CADM2: variants seen among roughly 807,000 people sequenced by gnomAD.
CADM2 encodes the protein cell adhesion molecule 2.
CADM2 carries 12 observed loss-of-function variants against 49.8 expected under a neutral mutation model. The ratio of observed to expected loss-of-function variants is 0.24; its 90% CI spans 0.15 to 0.39. The LOEUF (loss-of-function observed/expected upper bound fraction) is 0.39. Ranked by LOEUF, CADM2 falls within the 10% of genes least tolerant of loss-of-function variation. The pLI, the probability that CADM2 is intolerant of heterozygous loss-of-function variation, is 1.00. For missense variants in CADM2, 378 were observed against 492.3 expected (o/e 0.77, Z 2.20); for synonymous variants, 214 against 175.4 (o/e 1.22, Z -1.74).
At chr3:85,313,208 G>A (rs1012487789) in intron 1 of CADM2, among the ~76,000 whole-genome samples, 6 of 152,158 alleles carry the variant, frequency 3.9e-5, no homozygotes. Flanking sequence ...CTAAAAACTG[G>A]TGGATACACA....
At chr3:85,931,328 A>G (rs1218531336) in intron 6 of CADM2, among the ~76,000 whole-genome samples, 1 of 152,122 alleles carries the variant, frequency 6.6e-6, no homozygotes, top group Non-Finnish European at 1.5e-5. Context: ...GGTCCCAGCT[A>G]CTTACTAGAC....
intron 1 of CADM2, among the ~76,000 whole-genome samples, chr3:84,984,726 AC>A (rs2032449172): frequency 1.3e-5 from 2 of 152,160 alleles, no homozygotes; most frequent in South Asian, 2.1e-4. Context: ...TCATTCTGAA[AC>A]CCCAAGCTGG....
At chr3:85,254,221 A>T (rs1158720404) in intron 1 of CADM2, among the ~76,000 whole-genome samples, 2 of 152,106 alleles carry the variant, frequency 1.3e-5, no homozygotes, top group African/African-American at 4.8e-5. Flanking sequence ...GAACAATCAG[A>T]TGGAAGAGAT....
chr3:85,539,940 A>T (rs2061504203), intron 1 of CADM2, among the ~76,000 whole-genome samples: 1 of 152,160 alleles, frequency 6.6e-6, no homozygotes, highest in South Asian at 2.1e-4. Flanking sequence ...ATAAGTCTAG[A>T]GTTAGAAAAG....
intron 2 of CADM2, among the ~76,000 whole-genome samples, chr3:85,775,468 C>G (rs2070315292): frequency 6.6e-6 from 1 of 151,720 alleles, no homozygotes; most frequent in African/African-American, 2.4e-5. Context: ...ATTTGCATAG[C>G]ATTCAACAGA....
intron 1 of CADM2, among the ~76,000 whole-genome samples, chr3:85,637,450 A>AT (rs1267067525): frequency 2.1e-5 from 3 of 146,130 alleles, no homozygotes; most frequent in African/African-American, 7.6e-5. Flanking sequence ...AAAATATAAA[A>AT]AATTAGCTGG....
chr3:85,466,252 C>G (rs530029767), intron 1 of CADM2, among the ~76,000 whole-genome samples: 1 of 152,256 alleles, frequency 6.6e-6, no homozygotes, highest in African/African-American at 2.4e-5. Context: ...TTAATGAACA[C>G]TTTCAGTAAT....
intron 8 of CADM2, chr3:86,013,549 A>G: frequency 6.2e-7 from 1 of 1,604,586 alleles, no homozygotes; most frequent in South Asian, 1.1e-5. Flanking sequence ...CAGCAGAGGC[A>G]GATGGTAGAG....
intron 8 of CADM2, among the ~76,000 whole-genome samples, chr3:86,064,640 C>T (rs1283979416): frequency 6.6e-6 from 1 of 152,032 alleles, no homozygotes; most frequent in African/African-American, 2.4e-5. Flanking sequence ...CACTGTCTTC[C>T]ACAATGAAAA....
chr3:85,713,101 G>T (rs1433808644), intron 1 of CADM2, among the ~76,000 whole-genome samples: 1 of 151,956 alleles, frequency 6.6e-6, no homozygotes, highest in Non-Finnish European at 1.5e-5. Flanking sequence ...TTTTGTTTTG[G>T]TTTGGTTTTC....
intron 8 of CADM2, among the ~76,000 whole-genome samples, chr3:86,009,506 C>T (rs1035683480): frequency 1.3e-5 from 2 of 151,370 alleles, no homozygotes; most frequent in African/African-American, 2.4e-5. Flanking sequence ...TTAAATGAAG[C>T]GATGAAATCG....
intron 1 of CADM2, among the ~76,000 whole-genome samples, chr3:85,595,846 T>C (rs2063226252): frequency 6.6e-6 from 1 of 151,950 alleles, no homozygotes; most frequent in Admixed American, 6.6e-5. Context: ...ACACTTTTTT[T>C]CTTTTGGTCC....
At chr3:85,036,997 GAAAAA>G (rs10566030) in intron 1 of CADM2, among the ~76,000 whole-genome samples, 16 of 77,996 alleles carry the variant, frequency 2.1e-4, no homozygotes, top group African/African-American at 7.2e-4. Context: ...ACTAAAAATA[GAAAAA>G]AAAAAAAAAA....
intron 1 of CADM2, among the ~76,000 whole-genome samples, chr3:85,711,573 G>A (rs1254214137): frequency 2.0e-5 from 3 of 152,110 alleles, no homozygotes; most frequent in African/African-American, 7.2e-5. Flanking sequence ...GTTGCTTGTT[G>A]TAGGTTTATT....
intron 1 of CADM2, among the ~76,000 whole-genome samples, chr3:85,061,125 T>C (rs919156463): frequency 3.9e-5 from 6 of 152,294 alleles, no homozygotes; most frequent in South Asian, 2.1e-4. Context: ...AGTCATACTT[T>C]CCTTGTGACT....
At chr3:85,733,480 G>A (rs1016344283) in intron 2 of CADM2, among the ~76,000 whole-genome samples, 28 of 152,208 alleles carry the variant, frequency 1.8e-4, no homozygotes, top group African/African-American at 6.7e-4. Flanking sequence ...CCCCTTTCAT[G>A]TTGCAAAGTA....
intron 2 of CADM2, among the ~76,000 whole-genome samples, chr3:85,737,423 C>G (rs764430397): frequency 4.1e-4 from 63 of 152,112 alleles, no homozygotes; most frequent in Non-Finnish European, 5.4e-4. Context: ...CTATTTTGAA[C>G]AGGGCAGATG....
chr3:85,516,618 T>C (rs942454882), intron 1 of CADM2, among the ~76,000 whole-genome samples: 3 of 152,048 alleles, frequency 2.0e-5, no homozygotes, highest in Non-Finnish European at 2.9e-5. Context: ...TAGCCTTTTT[T>C]CCCCAGAATC....
In CADM2 at chr3:85,141,628, TG is replaced by T. The variant is rs1173127821; in HGVS notation, c.61+181961del. On this transcript the variant is annotated intron_variant, in intron 1 of 9. Coordinates refer to ENST00000383699, the MANE Select transcript of CADM2 (RefSeq NM_001167675.2). Reference sequence around the variant, plus strand: ...TTTATATATAAATATTTAAGGAAGTTGTAACAGAGATCCAATCCTTTTTAAT... The same window carrying T: ...TTTATATATAAATATTTAAGGAAGTTTAACAGAGATCCAATCCTTTTTAAT... Among the ~76,000 whole-genome samples the T allele has an allele frequency of 5.3e-5, 8 of 152,314 alleles. No individual in the cohort carries two copies. In the East Asian group the frequency reaches 9.6e-4, roughly 18 times the overall value.
Sources: allele counts gnomAD v4.1 joint callset (sites outside exome capture counted in the v4.1 genomes callset), GRCh38; gene constraint gnomAD v4.1.1; transcripts MANE v1.5; gene names NCBI Gene and HGNC (gene_info 2026-07-23, HGNC 2026-07-21).